Variants in NSA2 observed in about 807,000 individuals in gnomAD.
NSA2 encodes NSA2 ribosome biogenesis factor.
A neutral mutation model predicts 34.8 loss-of-function variants in NSA2; 18 were observed. The ratio of observed to expected loss-of-function variants is 0.52; its 90% CI spans 0.36 to 0.77. NSA2 has a LOEUF of 0.77. NSA2 is among the 30% of genes least tolerant of loss of function. The pLI is 0.00. For missense variants in NSA2, 188 were observed against 314.7 expected (o/e 0.60, Z 3.05); for synonymous variants, 79 against 100.2 (o/e 0.79, Z 1.26).
At chr5:74,775,879 C>T (rs1279711712) in intron 5 of NSA2, among the ~76,000 whole-genome samples, 1 of 152,054 alleles carries the variant, frequency 6.6e-6, no homozygotes, top group Admixed American at 6.5e-5. Context: ...GAAGAATACA[C>T]GCTACAACTT....
chr5:74,772,168 A>C (rs1744960274), intron 4 of NSA2, among the ~76,000 whole-genome samples: 1 of 142,252 alleles, frequency 7.0e-6, no homozygotes, highest in South Asian at 2.2e-4. Context: ...TCTGTATCCC[A>C]GGCGGGAGTG....
Position 74,777,566 on chromosome 5 carries a change from TCAC to T in NSA2, c.*899_*901del, listed in dbSNP as rs1005634935. On this transcript the variant is annotated 3_prime_UTR_variant, in exon 6 of 6. Transcript: ENST00000610426. ...TGGCGTATATTACATTAATCTATAATCACCACATTGTTTTAAATTGTTTATTTT... is the reference window on the plus strand; with the variant it reads ...TGGCGTATATTACATTAATCTATAATCACATTGTTTTAAATTGTTTATTTT... The T allele has an allele frequency of 1.3e-4, 19 of 151,402 alleles. No homozygotes were observed. Among genetic ancestry groups the T allele is most frequent in the Non-Finnish European group, 2.4e-4 (16 of 67,868 alleles). The allele number at this position is 151,402 out of a possible 1,614,324, so 9.4% of individuals were successfully genotyped here.
intron 4 of NSA2, among the ~76,000 whole-genome samples, chr5:74,773,369 T>C (rs538239508): frequency 1.4e-5 from 2 of 147,868 alleles, no homozygotes; most frequent in African/African-American, 5.0e-5. Flanking sequence ...CTAGCTGTGG[T>C]GGCCTGTAAT....
chr5:74,774,132 TTAA>T, intron 5 of NSA2, 72 bp downstream of exon 5: 2 of 1,051,770 alleles, frequency 1.9e-6, no homozygotes, highest in Admixed American at 2.3e-5. Context: ...AGTTGATGTA[TTAA>T]TAAAATATAC....
intron 5 of NSA2, among the ~76,000 whole-genome samples, chr5:74,775,225 T>C (rs1745072264): frequency 6.6e-6 from 1 of 151,910 alleles, no homozygotes; most frequent in Non-Finnish European, 1.5e-5. Flanking sequence ...CAAAAAGTAA[T>C]AATAATAATT....
intron 1 of NSA2, among the ~76,000 whole-genome samples, chr5:74,767,648 T>A (rs1298709639): frequency 3.3e-5 from 5 of 152,170 alleles, no homozygotes; most frequent in Non-Finnish European, 7.4e-5. Flanking sequence ...AATTCCTGAT[T>A]TCACCACAAG....
At chr5:74,769,847 CT>C (rs1744859459) in intron 3 of NSA2, among the ~76,000 whole-genome samples, 1 of 152,110 alleles carries the variant, frequency 6.6e-6, no homozygotes, top group Non-Finnish European at 1.5e-5. Flanking sequence ...ATTATTTTTA[CT>C]GCCTTACACT....
At chr5:74,774,658 A>G (rs1745053237) in intron 5 of NSA2, among the ~76,000 whole-genome samples, 2 of 152,278 alleles carry the variant, frequency 1.3e-5, no homozygotes, top group Admixed American at 6.5e-5. Context: ...AAGCAGATGC[A>G]AAGTTATAAC....
In NSA2 at chr5:74,777,159, T is replaced by C. The variant is rs1238024823; in HGVS notation, c.*488T>C. The C allele has an allele frequency of 6.6e-6, 1 of 152,484 alleles. No individual in the cohort carries two copies. The highest frequency in any genetic ancestry group is 2.4e-5 in the African/African-American group (1 of 41,464). 9.4% of individuals were successfully genotyped at this position (152,484 alleles called of 1,614,324 possible). On this transcript the variant is annotated 3_prime_UTR_variant, in exon 6 of 6. Transcript: ENST00000610426. ...TAAAAGTTCAGAAATCTTAGAGAAA[T>C]CTTTTCACCTGTGAAATCCAGTACA...
intron 4 of NSA2, among the ~76,000 whole-genome samples, chr5:74,772,847 T>C (rs1480382740): frequency 6.9e-6 from 1 of 144,182 alleles, no homozygotes; most frequent in South Asian, 2.1e-4. Context: ...GATTTAGTGA[T>C]TTTTTCCCCC....
At chr5:74,771,790 C>T (rs1272328053) in intron 4 of NSA2, 1 of 148,004 alleles carries the variant, frequency 6.8e-6, no homozygotes, top group Admixed American at 6.8e-5. Context: ...GGAGGCAGAG[C>T]TTGCAGTGAG....
Position 74,776,870 on chromosome 5 carries a change from A to ATGAT in NSA2, c.*203_*206dup, listed in dbSNP as rs571020052. 43 of 409,194 alleles carry ATGAT rather than the reference A, an allele frequency of 1.1e-4. 1 individual carries two copies. The South Asian group carries it at 2.0e-3, about 19-fold the overall frequency. 25.3% of individuals were successfully genotyped at this position (409,194 alleles called of 1,614,324 possible). On this transcript the variant is annotated 3_prime_UTR_variant, in exon 6 of 6. Transcript: ENST00000610426. ...TTTGACCCCATGTTCATAAAACTGA[A>ATGAT]TGATTGAAAAAAAGCAAATATACAA... is the stretch of plus-strand genomic sequence containing the variant.
rs1744887527 is a variant in NSA2 at position 74,770,676 on chromosome 5, A to G, written c.388A>G (p.Thr130Ala). 1.2e-6 allele frequency: 2 copies of G among 1,612,398 alleles called. No individual in the cohort carries two copies. Among genetic ancestry groups the G allele is most frequent in the South Asian group, 1.1e-5 (1 of 90,616 alleles). Residue 130 changes from threonine to alanine, a missense_variant, in exon 4 of 6, where the codon ACA becomes GCA. Thr to Ala is a moderately conservative substitution (Grantham distance 58). Transcript: ENST00000610426. ...PLPKVRAQGE[T>A]EVLKVIRTGK... Reference sequence around the variant, plus strand: ...GCCTAAAGTACGTGCCCAGGGAGAAACAGAAGTATTAAAAGTTATTCGAAC... The same window carrying G: ...GCCTAAAGTACGTGCCCAGGGAGAAGCAGAAGTATTAAAAGTTATTCGAAC...
chr5:74,778,913 A>C lies in NSA2; in HGVS notation c.*2242A>C, dbSNP rs982592928. 6.6e-6 allele frequency: 1 copy of C among 152,060 alleles called. No homozygotes were observed. The highest frequency in any genetic ancestry group is 1.5e-5 in the Non-Finnish European group (1 of 67,920). The allele number at this position is 152,060 out of a possible 1,614,324, so 9.4% of individuals were successfully genotyped here. On this transcript the variant is annotated 3_prime_UTR_variant, in exon 6 of 6. Coordinates refer to ENST00000610426, the MANE Select transcript of NSA2 (RefSeq NM_014886.6). ...AAATTTTTTCTAATGCCTTGCAAAA[A>C]CTACAGATAACTGATTAAGTTCATG...
rs1324194911 is a variant in NSA2, at chr5:74,777,114, A to AGAAG, written c.*444_*447dup. 1 of 152,276 alleles carries AGAAG rather than the reference A, an allele frequency of 6.6e-6. No individual in the cohort carries two copies. The highest frequency in any genetic ancestry group is 6.6e-5 in the Admixed American group (1 of 15,228). The allele number at this position is 152,276 out of a possible 1,614,324, so 9.4% of individuals were successfully genotyped here. The stretch of plus-strand genomic sequence containing the variant: ...TAAGTTTATAGTGTTTGTTTACACT[A>AGAAG]GAAGTATGTGAGAAGACACTAAAAG... On this transcript the variant is annotated 3_prime_UTR_variant, in exon 6 of 6. Transcript: ENST00000610426.
chr5:74,776,789 A>C lies in NSA2; in HGVS notation c.*118A>C, dbSNP rs1745145876. ...ATGTCTGCAATGAAGAGATTTATTA[A>C]ATTGTAAACATTAAAGTGGTCCAGT... On this transcript the variant is annotated 3_prime_UTR_variant, in exon 6 of 6. Transcript: ENST00000610426. 1.6e-6 allele frequency: 1 copy of C among 607,438 alleles called. No homozygotes were observed. The highest frequency in any genetic ancestry group is 1.9e-5 in the African/African-American group (1 of 53,178). 37.6% of individuals were successfully genotyped at this position (607,438 alleles called of 1,614,324 possible).
intron 5 of NSA2, 25 bp from the exon 6 acceptor site, chr5:74,776,579 C>T (rs1745135145): frequency 4.6e-6 from 6 of 1,299,994 alleles, no homozygotes; most frequent in Non-Finnish European, 6.7e-6. Context: ...CTCCCTTTTC[C>T]CTTTTTTGGT....
At chr5:74,772,124 A>AT (rs1188382017) in intron 4 of NSA2, among the ~76,000 whole-genome samples, 22,049 of 136,994 alleles carry the variant, frequency 0.16, 2,223 homozygotes, top group African/African-American at 0.28. Flanking sequence ...AACCTGAGTA[A>AT]TTTTTTTTTT....
intron 4 of NSA2, 23 bp from the exon 5 acceptor site, chr5:74,773,845 T>C: frequency 6.3e-7 from 1 of 1,594,842 alleles, no homozygotes; most frequent in Non-Finnish European, 8.5e-7. Context: ...GTAAACATTC[T>C]TATGTTGTGT....
Sources: allele counts gnomAD v4.1 joint callset (sites outside exome capture counted in the v4.1 genomes callset), GRCh38; gene constraint gnomAD v4.1.1; transcripts MANE v1.5; gene names NCBI Gene and HGNC (gene_info 2026-07-23, HGNC 2026-07-21).